Variants in COL23A1 observed in about 807,000 individuals in gnomAD.
COL23A1 encodes collagen type XXIII alpha 1 chain.
Under a neutral mutation model 99.3 loss-of-function variants are expected in COL23A1, and 97 were observed. That is an observed-to-expected ratio of 0.98 (90% CI 0.83 to 1.16). COL23A1 has a LOEUF of 1.16. Among genes scored for constraint, COL23A1 ranks in the 50% most tolerant of loss-of-function variants. The probability of loss-of-function intolerance (pLI) is 0.00; values close to 1 mark genes in which losing one functional copy is unlikely to be tolerated. For synonymous variants in COL23A1, 320 were observed against 308.2 expected, an observed-to-expected ratio of 1.04 and a Z score of -0.40; for missense variants, 762 against 757.4, an observed-to-expected ratio of 1.01 and a Z score of -0.07.
intron 12 of COL23A1, among the ~76,000 whole-genome samples, chr5:178,259,193 T>C (rs897564784): frequency 6.6e-6 from 1 of 152,184 alleles, no homozygotes; most frequent in African/African-American, 2.4e-5. Flanking sequence ...AGTGCTGGGA[T>C]TGCAGGCATG....
At chr5:178,334,820 T>C (rs1387734583) in intron 2 of COL23A1, among the ~76,000 whole-genome samples, 1 of 152,214 alleles carries the variant, frequency 6.6e-6, no homozygotes, top group African/African-American at 2.4e-5. Context: ...ATATTATTAG[T>C]AATTTTACAG....
At position 178,365,560 on chromosome 5, in the gene COL23A1, C is replaced by A. The variant is rs995203621; in HGVS notation, c.362-58641G>T. On this transcript the variant is annotated intron_variant, in intron 2 of 28. Coordinates refer to ENST00000390654, the MANE Select transcript of COL23A1 (RefSeq NM_173465.4). This position sits in a 1 kb window ranked among gnomAD's most constrained non-coding sequence, Gnocchi z 5.2. ...TGGCAGGGATGAGGGGTCCTCAGGT[C>A]TGGCTGGGCCCACCTGGCTGCTTCC... is the stretch of plus-strand genomic sequence containing the variant. 1.3e-5 allele frequency among the ~76,000 whole-genome samples: 2 copies of A among 152,214 alleles called. No homozygotes were observed. Among genetic ancestry groups the A allele is most frequent in the African/African-American group, 4.8e-5 (2 of 41,450 alleles).
chr5:178,565,961 C>CA (rs555054624), intron 1 of COL23A1, among the ~76,000 whole-genome samples: 20,834 of 98,336 alleles, frequency 0.21, 3,118 homozygotes, highest in African/African-American at 0.46. Context: ...AAAAAAAATA[C>CA]AAAAAAAAAA....
intron 2 of COL23A1, among the ~76,000 whole-genome samples, chr5:178,330,146 T>C (rs1425578600): frequency 6.6e-6 from 1 of 152,158 alleles, no homozygotes; most frequent in Non-Finnish European, 1.5e-5. Context: ...CTGAAAAGCC[T>C]GGGCCCCTGG....
chr5:178,470,371 G>A (rs1482950192), intron 2 of COL23A1, among the ~76,000 whole-genome samples: 1 of 152,154 alleles, frequency 6.6e-6, no homozygotes, highest in Non-Finnish European at 1.5e-5. Flanking sequence ...AAGCCGAGCA[G>A]ACCCCTGGAA....
At position 178,434,082 on chromosome 5, in the gene COL23A1, G is replaced by A. The variant is rs563182946; in HGVS notation, c.361+126600C>T. On this transcript the variant is annotated intron_variant, in intron 2 of 28. Coordinates refer to ENST00000390654, the MANE Select transcript of COL23A1 (RefSeq NM_173465.4). This position sits in a 1 kb window ranked among gnomAD's most constrained non-coding sequence, Gnocchi z 4.3. ...GAGAAAATAAATGTCCATTGTTGAT[G>A]CCATCCCAACTGGTACTTTGTTATG... 3.9e-5 allele frequency among the ~76,000 whole-genome samples: 6 copies of A among 152,328 alleles called. No homozygotes were observed. In the South Asian group the frequency reaches 1.0e-3, roughly 26 times the overall value.
chr5:178,552,324 C>A (rs931847108), intron 2 of COL23A1, among the ~76,000 whole-genome samples: 1 of 152,034 alleles, frequency 6.6e-6, no homozygotes, highest in African/African-American at 2.4e-5. Context: ...TGAACAAATA[C>A]CTATGCATAG....
intron 2 of COL23A1, among the ~76,000 whole-genome samples, chr5:178,509,721 C>T (rs1759094474): frequency 6.6e-6 from 1 of 152,166 alleles, no homozygotes. Context: ...CAGCACCATC[C>T]CACCACCGCC....
In COL23A1 at chr5:178,502,410, C is replaced by T. The variant is rs567808440; in HGVS notation, c.361+58272G>A. Among the ~76,000 whole-genome samples the T allele has an allele frequency of 3.0e-3, 459 of 152,332 alleles. 1 individual carries two copies. The highest frequency in any genetic ancestry group is 6.3e-3 in the Admixed American group (97 of 15,302). On this transcript the variant is annotated intron_variant, in intron 2 of 28. Coordinates refer to ENST00000390654, the MANE Select transcript of COL23A1 (RefSeq NM_173465.4). ...CCTCCCAAAGTGCTGGGATTACAGG[C>T]GTGAGCCACTGCGCCCAGCCAACAA...
chr5:178,506,042 C>T (rs1269055577), intron 2 of COL23A1, among the ~76,000 whole-genome samples: 1 of 152,178 alleles, frequency 6.6e-6, no homozygotes, highest in Non-Finnish European at 1.5e-5. Flanking sequence ...TAGGACATAC[C>T]CACTCTGCAC....
chr5:178,239,975 G>T (rs1056479679), intron 27 of COL23A1, among the ~76,000 whole-genome samples: 12 of 152,212 alleles, frequency 7.9e-5, no homozygotes, highest in African/African-American at 2.4e-4. Flanking sequence ...CAGGCCTTGG[G>T]CAGGAATGGC....
At chr5:178,516,058 C>T (rs1279511116) in intron 2 of COL23A1, among the ~76,000 whole-genome samples, 2 of 152,172 alleles carry the variant, frequency 1.3e-5, no homozygotes, top group African/African-American at 2.4e-5. Context: ...GCCTCACCTC[C>T]CTGGCAGATC....
chr5:178,590,257 T>C lies in COL23A1; in HGVS notation c.-60A>G, dbSNP rs559195464. ...CGGTGCTGCTGGGGCAGAGGCTGGG[T>C]GCGAGAGGAGCAGGCGGGACAGCCC... On this transcript the variant is annotated 5_prime_UTR_variant, in exon 1 of 29. Transcript: ENST00000390654. The surrounding 1 kb of genome is among the most constrained non-coding windows in gnomAD (Gnocchi z 5.7). 1 of 1,189,606 alleles carries C rather than the reference T, an allele frequency of 8.4e-7. No homozygotes were observed. Among genetic ancestry groups the C allele is most frequent in the Admixed American group, 4.2e-5 (1 of 24,008 alleles). 73.7% of individuals were successfully genotyped at this position (1,189,606 alleles called of 1,614,324 possible).
At position 178,256,360 on chromosome 5, in the gene COL23A1, C is replaced by T; in HGVS notation, c.875G>A (p.Gly292Glu). The change falls in exon 15 of 29, where the codon GGG (glycine) becomes GAG (glutamate). Residue 292 changes from glycine (G) to glutamate (E), a missense_variant. Physicochemically the swap from Gly to Glu is moderately conservative, Grantham distance 98. Transcript: ENST00000390654. The part of the protein sequence containing the change: ...PGHRGTDGAA[G>E]PRGAPGLKGE... ...TGAGGGGCGGCAGCTTACCCGGGGCCCTGCAGCTCCATCCGTGCCTCGGTG... is the reference window on the plus strand; with the variant it reads ...TGAGGGGCGGCAGCTTACCCGGGGCTCTGCAGCTCCATCCGTGCCTCGGTG... 1 of 1,604,274 alleles carries T rather than the reference C, an allele frequency of 6.2e-7. No homozygotes were observed. The highest frequency in any genetic ancestry group is 1.3e-5 in the African/African-American group (1 of 74,844).
chr5:178,240,821 G>A (rs1039851029), intron 27 of COL23A1, among the ~76,000 whole-genome samples: 1 of 152,244 alleles, frequency 6.6e-6, no homozygotes, highest in African/African-American at 2.4e-5. Context: ...ACACATCCCC[G>A]TGGCTGGAGT....
chr5:178,415,104 T>C lies in COL23A1; in HGVS notation c.362-108185A>G, dbSNP rs933148841. On this transcript the variant is annotated intron_variant, in intron 2 of 28. Coordinates refer to ENST00000390654, the MANE Select transcript of COL23A1 (RefSeq NM_173465.4). The surrounding 1 kb of genome is among the most constrained non-coding windows in gnomAD (Gnocchi z 4.6). ...GTTTCTCAGCACGAAACCCGGAATA[T>C]GTGAGTGCTGGTTCTCTCTGCCCCA... Among the ~76,000 whole-genome samples the C allele has an allele frequency of 1.4e-4, 21 of 151,208 alleles. No individual in the cohort carries two copies. Among genetic ancestry groups the C allele is most frequent in the African/African-American group, 4.9e-4 (20 of 40,926 alleles).
intron 2 of COL23A1, among the ~76,000 whole-genome samples, chr5:178,494,789 G>T (rs1159036620): frequency 6.6e-6 from 1 of 152,142 alleles, no homozygotes; most frequent in East Asian, 1.9e-4. Flanking sequence ...GTATTTAGCA[G>T]CCCTCCTCTG....
intron 2 of COL23A1, among the ~76,000 whole-genome samples, chr5:178,399,270 C>A (rs1054148909): frequency 1.3e-5 from 2 of 152,286 alleles, no homozygotes; most frequent in African/African-American, 4.8e-5. Context: ...CTGTGAGCAG[C>A]CAGCACAGAG....
chr5:178,346,119 G>C (rs775754792), intron 2 of COL23A1, among the ~76,000 whole-genome samples: 5 of 148,674 alleles, frequency 3.4e-5, no homozygotes, highest in African/African-American at 5.1e-5. Context: ...ATTTCTTTTG[G>C]AATTAAAGTA....
Sources: gnomAD v4.1 joint callset for allele counts (sites outside exome capture counted in the v4.1 genomes callset) on GRCh38, gnomAD v4.1.1 for gene constraint, Gnocchi (gnomAD v3.1) non-coding constraint, MANE v1.5 for transcripts, NCBI Gene and HGNC (gene_info 2026-07-23, HGNC 2026-07-21) for gene names.